Variants in MED6 observed in about 807,000 individuals in gnomAD.
MED6 encodes the protein mediator of RNA polymerase II transcription subunit 6.
MED6 carries 33 observed loss-of-function variants against 37.5 expected under a neutral mutation model. The ratio of observed to expected loss-of-function variants is 0.88; its 90% CI spans 0.67 to 1.18. The LOEUF (loss-of-function observed/expected upper bound fraction) is 1.18, where lower values mean the gene tolerates loss of function less well. Among genes scored for constraint, MED6 ranks in the 50% most tolerant of loss-of-function variants. The pLI is 0.00. For synonymous variants in MED6, 94 were observed against 93.6 expected (o/e 1.00, Z -0.02); for missense variants, 235 against 290.6 (o/e 0.81, Z 1.39).
intron 7 of MED6, among the ~76,000 whole-genome samples, chr14:70,585,547 T>A (rs959133922): frequency 4.9e-5 from 7 of 143,010 alleles, no homozygotes; most frequent in African/African-American, 2.1e-4. Flanking sequence ...CCTTAAAACA[T>A]TATGAGACTT....
intron 5 of MED6, chr14:70,592,393 G>C (rs1884898947): frequency 6.7e-6 from 1 of 149,470 alleles, no homozygotes. Flanking sequence ...GGAATAAAGA[G>C]TTCCAGATAC....
chr14:70,599,466 T>C (rs1025589126), intron 1 of MED6, among the ~76,000 whole-genome samples: 4 of 151,982 alleles, frequency 2.6e-5, no homozygotes, highest in Non-Finnish European at 5.9e-5. Flanking sequence ...AATGTAGTCC[T>C]AAAAAAAAGT....
At position 70,583,930 on chromosome 14, in the gene MED6, CT is replaced by C; in HGVS notation, c.*882del. 2.3e-6 allele frequency: 1 copy of C among 434,156 alleles called. No homozygotes were observed. Among genetic ancestry groups the C allele is most frequent in the Non-Finnish European group, 4.0e-6 (1 of 246,952 alleles). 26.9% of individuals were successfully genotyped at this position (434,156 alleles called of 1,614,324 possible). A position where few individuals can be genotyped will look rare whatever the true frequency, so the allele number is the denominator to read the frequency against. On this transcript the variant is annotated 3_prime_UTR_variant, in exon 8 of 8. Coordinates refer to ENST00000256379, the MANE Select transcript of MED6 (RefSeq NM_005466.4). ...CCAGATGGAGCCAATCAATGCTGGA[CT>C]TCTCAGCCTCCATAACTTTAAAAAA...
At chr14:70,592,669 C>A in intron 5 of MED6, 1 of 412,272 alleles carries the variant, frequency 2.4e-6, no homozygotes, top group Non-Finnish European at 4.4e-6. Context: ...CAAAGACTAC[C>A]AGTTAACTAA....
rs1187368424 is a variant in MED6 at position 70,597,625 on chromosome 14, G to A, written c.175C>T (p.His59Tyr). ...VVKMQRLTLE[H>Y]LNQMVGIEYI... ...CTTCTTAAAATAACTTACTTCAAGT[G>A]TTCTAATGTTAGCCTCTGCATTTTG... The change falls in exon 2 of 8, where the codon CAC becomes TAC. Residue 59 changes from histidine to tyrosine, a missense_variant. Physicochemically the swap from His to Tyr is moderately conservative, Grantham distance 83. Transcript: ENST00000256379. 1 of 1,488,984 alleles carries A rather than the reference G, an allele frequency of 6.7e-7. No homozygotes were observed. Among genetic ancestry groups the A allele is most frequent in the African/African-American group, 1.5e-5 (1 of 68,676 alleles). 92.2% of individuals were successfully genotyped at this position (1,488,984 alleles called of 1,614,324 possible). A position where few individuals can be genotyped will look rare whatever the true frequency, so the allele number is the denominator to read the frequency against.
chr14:70,595,472 G>A (rs1271352643), intron 3 of MED6: 27 of 627,846 alleles, frequency 4.3e-5, no homozygotes, highest in Non-Finnish European at 7.1e-5. Context: ...ACCTGGACTC[G>A]ATGAGAAATC....
intron 6 of MED6, among the ~76,000 whole-genome samples, chr14:70,589,106 C>A (rs900606613): frequency 6.6e-6 from 1 of 152,178 alleles, no homozygotes; most frequent in African/African-American, 2.4e-5. Context: ...CCCCTAACAA[C>A]TGTTATTTCA....
chr14:70,600,105 C>T (rs1885161422), intron 1 of MED6, among the ~76,000 whole-genome samples: 1 of 151,986 alleles, frequency 6.6e-6, no homozygotes, highest in Admixed American at 6.6e-5. Context: ...AAAATACGAC[C>T]CCTGCCCATA....
chr14:70,592,011 A>G (rs1250286461), intron 5 of MED6, among the ~76,000 whole-genome samples: 1 of 152,230 alleles, frequency 6.6e-6, no homozygotes, highest in East Asian at 1.9e-4. Context: ...TGGTTATCGT[A>G]GGGGAAAAGA....
In MED6 at chr14:70,593,357, T is replaced by C. The variant is rs754835973; in HGVS notation, c.296A>G (p.Tyr99Cys). The C allele has an allele frequency of 1.2e-6, 2 of 1,613,812 alleles. No homozygotes were observed. The highest frequency in any genetic ancestry group is 8.5e-7 in the Non-Finnish European group (1 of 1,179,746). Residue 99 changes from tyrosine to cysteine, a missense_variant, in exon 4 of 8, where the codon TAT becomes TGT. Tyr to Cys is a radical substitution (Grantham distance 194, BLOSUM62 -2). Coordinates refer to ENST00000256379, the MANE Select transcript of MED6 (RefSeq NM_005466.4). ...PAQVIPLADY[Y>C]IIAGVIYQAP... ...CTGATAGATCACTCCAGCAATGATA[T>C]AGTAATCAGCTAGTGGGATAACTAA...
At chr14:70,585,335 CT>C (rs1884672242) in intron 7 of MED6, among the ~76,000 whole-genome samples, 1 of 152,152 alleles carries the variant, frequency 6.6e-6, no homozygotes, top group Non-Finnish European at 1.5e-5. Context: ...TCAATACCTA[CT>C]TTTTCCCTCC....
At position 70,584,040 on chromosome 14, in the gene MED6, T is replaced by C. The variant is rs1375613351; in HGVS notation, c.*773A>G. On this transcript the variant is annotated 3_prime_UTR_variant, in exon 8 of 8. Transcript: ENST00000256379. Reference sequence around the variant, plus strand: ...ATTCACAACACTGTTACAGTATTTATAGGGTAATGGTATTGGTGAGTGAGG... The same window carrying C: ...ATTCACAACACTGTTACAGTATTTACAGGGTAATGGTATTGGTGAGTGAGG... 2 of 540,354 alleles carry C rather than the reference T, an allele frequency of 3.7e-6. No individual in the cohort carries two copies. Among genetic ancestry groups the C allele is most frequent in the South Asian group, 3.0e-5 (1 of 33,616 alleles). The allele number at this position is 540,354 out of a possible 1,614,324, so 33.5% of individuals were successfully genotyped here.
intron 6 of MED6, among the ~76,000 whole-genome samples, chr14:70,588,685 CAAA>C (rs1450689087): frequency 1.8e-5 from 2 of 111,258 alleles, no homozygotes; most frequent in Non-Finnish European, 3.6e-5. Context: ...GACTCCGTCT[CAAA>C]AATAATAATA....
chr14:70,597,701 AAAGT>A lies in MED6; in HGVS notation c.95_98del (p.Tyr32PhefsTer23). On this transcript the variant is annotated frameshift_variant, in exon 2 of 8. Coordinates refer to ENST00000256379, the MANE Select transcript of MED6 (RefSeq NM_005466.4). LOFTEE classifies it high-confidence loss of function. ...CATAAAAAGGATTACTTCTTTCTGA[AAAGT>A]AATCCAGGACACTACCACTGTTCAA... is the stretch of plus-strand genomic sequence containing the variant. 3 of 1,564,222 alleles carry A rather than the reference AAAGT, an allele frequency of 1.9e-6. No homozygotes were observed. Among genetic ancestry groups the A allele is most frequent in the Non-Finnish European group, 2.6e-6 (3 of 1,163,070 alleles).
chr14:70,597,222 G>C (rs1429274241), intron 2 of MED6, among the ~76,000 whole-genome samples: 1 of 152,054 alleles, frequency 6.6e-6, no homozygotes, highest in East Asian at 1.9e-4. Context: ...AAATATAACA[G>C]ATATTTAATT....
intron 6 of MED6, among the ~76,000 whole-genome samples, chr14:70,590,181 T>G (rs566597755): frequency 6.6e-6 from 1 of 152,230 alleles, no homozygotes; most frequent in African/African-American, 2.4e-5. Context: ...GTTACCATAC[T>G]GGACAGCACA....
chr14:70,590,979 C>A (rs1159492111), intron 6 of MED6, among the ~76,000 whole-genome samples: 2 of 152,176 alleles, frequency 1.3e-5, no homozygotes, highest in Non-Finnish European at 2.9e-5. Flanking sequence ...AGTTTTGTTA[C>A]CACCTGTGAC....
At chr14:70,585,008 A>T (rs1235103400) in intron 7 of MED6, 65 bp from the exon 8 acceptor site, 4 of 1,515,010 alleles carry the variant, frequency 2.6e-6, no homozygotes, top group Non-Finnish European at 3.6e-6. Context: ...TAAATGGTTA[A>T]TATGAATGGC....
In MED6 at chr14:70,591,328, T is replaced by C. The variant is rs768220997; in HGVS notation, c.520A>G (p.Arg174Gly). ...RKEEPSSIFQ[R>G]QRVDALLLDL... Reference sequence around the variant, plus strand: ...AAAAGTAAAGCATCCACACGTTGTCTCTGAAAAATAGAGCTTGGTTCTTCT... The same window carrying C: ...AAAAGTAAAGCATCCACACGTTGTCCCTGAAAAATAGAGCTTGGTTCTTCT... The change falls in exon 6 of 8, where the codon AGA (arginine) becomes GGA (glycine). Residue 174 changes from arginine (R) to glycine (G), a missense_variant. By Grantham distance (125) the Arg-to-Gly change is moderately radical. Transcript: ENST00000256379. 2 of 1,607,870 alleles carry C rather than the reference T, an allele frequency of 1.2e-6. No individual in the cohort carries two copies. The highest frequency in any genetic ancestry group is 2.7e-5 in the African/African-American group (2 of 74,584).
Sources: gnomAD v4.1 joint callset for allele counts (sites outside exome capture counted in the v4.1 genomes callset) on GRCh38, gnomAD v4.1.1 for gene constraint, MANE v1.5 for transcripts, NCBI Gene and HGNC (gene_info 2026-07-23, HGNC 2026-07-21) for gene names.